Variants in PCDH9 observed in about 807,000 individuals in gnomAD.
PCDH9 encodes the protein protocadherin-9.
Under a neutral mutation model 70.6 loss-of-function variants are expected in PCDH9, and 24 were observed. That is an observed-to-expected ratio of 0.34 (90% CI 0.25 to 0.48). PCDH9 has a LOEUF of 0.48. Ranked by LOEUF, PCDH9 falls within the 20% of genes least tolerant of loss-of-function variation. The probability of loss-of-function intolerance (pLI) is 0.99; values close to 1 mark genes in which losing one functional copy is unlikely to be tolerated. For missense variants in PCDH9, 1,281 were observed against 1,503.6 expected (o/e 0.85, Z 2.45); for synonymous variants, 562 against 558.5 (o/e 1.01, Z -0.09).
intron 4 of PCDH9, among the ~76,000 whole-genome samples, chr13:66,602,799 A>G (rs1398920761): frequency 1.4e-5 from 2 of 145,912 alleles, no homozygotes; most frequent in African/African-American, 2.5e-5. Context: ...CAGTCCTGCA[A>G]TTTAAATTCA....
chr13:66,943,332 G>A (rs752113882), intron 2 of PCDH9, among the ~76,000 whole-genome samples: 3 of 151,836 alleles, frequency 2.0e-5, no homozygotes. Flanking sequence ...TTTGGTTTTA[G>A]GCACAGTTGT....
chr13:66,378,647 T>A (rs191336959), intron 4 of PCDH9, among the ~76,000 whole-genome samples: 1 of 152,372 alleles, frequency 6.6e-6, no homozygotes, highest in Non-Finnish European at 1.5e-5. Flanking sequence ...TGTATCATTA[T>A]CATAGTTATT....
intron 4 of PCDH9, among the ~76,000 whole-genome samples, chr13:66,578,801 A>G (rs945520470): frequency 6.6e-6 from 1 of 152,090 alleles, no homozygotes; most frequent in African/African-American, 2.4e-5. Context: ...GAGCTAAGAA[A>G]ATTAATTCAG....
At chr13:67,141,323 C>T (rs34111098) in intron 2 of PCDH9, among the ~76,000 whole-genome samples, 40,952 of 151,974 alleles carry the variant, frequency 0.27, 5,585 homozygotes, top group African/African-American at 0.33. Flanking sequence ...TGTGGTGGCT[C>T]ATGCCTATAA....
Position 66,409,591 on chromosome 13 carries a change from C to G in PCDH9, c.3341-104563G>C, listed in dbSNP as rs532116043. Among the ~76,000 whole-genome samples, 6 of 152,198 alleles carry G rather than the reference C, an allele frequency of 3.9e-5. No homozygotes were observed. In the South Asian group the frequency reaches 6.2e-4, roughly 16 times the overall value. ...CCCTAGGTGTTCCCTTAATTTGTCACCAGCACCGAAACTAGATTTCTCCAA... is the reference window on the plus strand; with the variant it reads ...CCCTAGGTGTTCCCTTAATTTGTCAGCAGCACCGAAACTAGATTTCTCCAA... On this transcript the variant is annotated intron_variant, in intron 4 of 4. Coordinates refer to ENST00000377865, the MANE Select transcript of PCDH9 (RefSeq NM_203487.3).
intron 3 of PCDH9, chr13:66,886,221 G>C (rs929200495): frequency 6.6e-6 from 1 of 152,140 alleles, no homozygotes; most frequent in Non-Finnish European, 1.5e-5. Flanking sequence ...TCTCTGATCT[G>C]TGTTTTTCAG....
chr13:66,956,782 T>C (rs1052369291), intron 2 of PCDH9, among the ~76,000 whole-genome samples: 15 of 152,074 alleles, frequency 9.9e-5, no homozygotes. Flanking sequence ...AATGTGACTA[T>C]GTGTCATATC....
At chr13:66,792,320 A>C (rs909863825) in intron 3 of PCDH9, among the ~76,000 whole-genome samples, 1 of 152,190 alleles carries the variant, frequency 6.6e-6, no homozygotes, top group South Asian at 2.1e-4. Context: ...ATATGTATAC[A>C]TTGTACTCCT....
At chr13:66,992,936 T>A (rs58585764) in intron 2 of PCDH9, among the ~76,000 whole-genome samples, 2,793 of 150,228 alleles carry the variant, frequency 0.019, 83 homozygotes, top group African/African-American at 0.065. Context: ...ATGGACTACA[T>A]CTAAAATGTA....
chr13:66,955,541 T>G (rs1174616183), intron 2 of PCDH9, among the ~76,000 whole-genome samples: 1 of 152,160 alleles, frequency 6.6e-6, no homozygotes, highest in Non-Finnish European at 1.5e-5. Context: ...GATTCTTTCA[T>G]GTTATGAGAC....
At chr13:66,513,502 C>T (rs763478716) in intron 4 of PCDH9, among the ~76,000 whole-genome samples, 1 of 151,862 alleles carries the variant, frequency 6.6e-6, no homozygotes, top group African/African-American at 2.4e-5. Flanking sequence ...CAAAAGAAGA[C>T]AAAAACTACA....
At chr13:66,999,442 C>T (rs955785863) in intron 2 of PCDH9, among the ~76,000 whole-genome samples, 3 of 151,918 alleles carry the variant, frequency 2.0e-5, no homozygotes, top group African/African-American at 2.4e-5. Context: ...GTTTTTATAC[C>T]ATTAAACTAA....
chr13:67,222,973 G>A (rs952376038), intron 2 of PCDH9: 3 of 151,974 alleles, frequency 2.0e-5, no homozygotes, highest in Non-Finnish European at 2.9e-5. Flanking sequence ...CTTCTCCACC[G>A]ACTTCTATCT....
chr13:66,930,421 G>A (rs1050332129), intron 2 of PCDH9, among the ~76,000 whole-genome samples: 2 of 152,090 alleles, frequency 1.3e-5, no homozygotes, highest in Non-Finnish European at 1.5e-5. Context: ...AAACTAGAGA[G>A]GATGCTGCTT....
chr13:67,102,024 G>C (rs2086445944), intron 2 of PCDH9, among the ~76,000 whole-genome samples: 1 of 151,992 alleles, frequency 6.6e-6, no homozygotes, highest in South Asian at 2.1e-4. Context: ...GTATTTATAG[G>C]AGTTTTAATA....
Position 66,320,697 on chromosome 13 carries a change from CTA to C in PCDH9, c.3341-15671_3341-15670del, listed in dbSNP as rs762673273. On this transcript the variant is annotated intron_variant, in intron 4 of 4. Coordinates refer to ENST00000377865, the MANE Select transcript of PCDH9 (RefSeq NM_203487.3). Reference sequence around the variant, plus strand: ...GTATGTATCTTGGGAGAATCTGTATCTATATGTATCTACCTATTTATTCATAA... The same window carrying C: ...GTATGTATCTTGGGAGAATCTGTATCTATGTATCTACCTATTTATTCATAA... 3.7e-4 allele frequency among the ~76,000 whole-genome samples: 56 copies of C among 151,860 alleles called. 1 individual carries two copies. Among genetic ancestry groups the C allele is most frequent in the Non-Finnish European group, 7.4e-5 (5 of 68,006 alleles).
intron 2 of PCDH9, among the ~76,000 whole-genome samples, chr13:67,167,924 C>T (rs531468819): frequency 6.6e-5 from 10 of 152,240 alleles, no homozygotes; most frequent in Admixed American, 3.9e-4. Context: ...TCCCTCTATA[C>T]CCCAGGAACA....
At chr13:66,443,984 G>A (rs976152540) in intron 4 of PCDH9, among the ~76,000 whole-genome samples, 3 of 151,834 alleles carry the variant, frequency 2.0e-5, no homozygotes, top group African/African-American at 7.3e-5. Flanking sequence ...GCAATGACTT[G>A]GTTAAGTCAG....
At chr13:67,185,585 T>G (rs1339159623) in intron 2 of PCDH9, among the ~76,000 whole-genome samples, 1 of 152,176 alleles carries the variant, frequency 6.6e-6, no homozygotes, top group Non-Finnish European at 1.5e-5. Flanking sequence ...CAGAAATAAG[T>G]TAATTGGTTA....
Sources: allele counts gnomAD v4.1 joint callset (sites outside exome capture counted in the v4.1 genomes callset), GRCh38; gene constraint gnomAD v4.1.1; transcripts MANE v1.5; gene names NCBI Gene and HGNC (gene_info 2026-07-23, HGNC 2026-07-21).